The following NAV3 variants were observed in gnomAD, a reference collection of about 807,000 sequenced individuals.
NAV3 encodes the protein pore membrane and/or filament interacting like protein 1.
NAV3 carries 87 observed loss-of-function variants against 244.7 expected under a neutral mutation model. The observed-to-expected ratio is 0.36, with a 90% confidence interval of 0.30 to 0.42. The LOEUF (loss-of-function observed/expected upper bound fraction) is 0.42. NAV3 is among the 20% of genes least tolerant of loss of function. The pLI is 1.00. For synonymous variants in NAV3, 1,126 were observed against 1,042.2 expected, an observed-to-expected ratio of 1.08 and a Z score of -1.55; for missense variants, 2,663 against 2,893.3, an observed-to-expected ratio of 0.92 and a Z score of 1.83.
chr12:78,127,559 C>T (rs987072129), intron 17 of NAV3, among the ~76,000 whole-genome samples: 3 of 152,204 alleles, frequency 2.0e-5, no homozygotes, highest in African/African-American at 7.2e-5. Context: ...ATGCAGAACT[C>T]ACTTCAACAA....
At chr12:78,060,060 A>G (rs1884105749) in intron 12 of NAV3, among the ~76,000 whole-genome samples, 1 of 151,952 alleles carries the variant, frequency 6.6e-6, no homozygotes, top group Admixed American at 6.6e-5. Flanking sequence ...GTTTAAGAAC[A>G]TTGCTTTGGT....
chr12:77,690,298 C>A (rs1874944954), intron 2 of NAV3, among the ~76,000 whole-genome samples: 1 of 151,680 alleles, frequency 6.6e-6, no homozygotes, highest in African/African-American at 2.4e-5. Flanking sequence ...GTCACTTTGA[C>A]AAATGAGAGA....
chr12:77,840,321 A>G (rs1875422650), intron 1 of NAV3, among the ~76,000 whole-genome samples: 1 of 152,178 alleles, frequency 6.6e-6, no homozygotes. Context: ...ACAGAATGGA[A>G]GAAGTATGCT....
intron 2 of NAV3, among the ~76,000 whole-genome samples, chr12:77,790,962 G>A (rs1444235887): frequency 6.6e-6 from 1 of 152,096 alleles, no homozygotes; most frequent in Non-Finnish European, 1.5e-5. Context: ...TGCCCTTTTA[G>A]TGTTTTCCCT....
At chr12:78,095,060 T>C (rs1393675582) in intron 12 of NAV3, among the ~76,000 whole-genome samples, 1 of 112,206 alleles carries the variant, frequency 8.9e-6, no homozygotes, top group African/African-American at 2.8e-5. Context: ...TATATATATA[T>C]ATATACACAC....
chr12:77,594,103 A>G (rs1870054170), intron 2 of NAV3, among the ~76,000 whole-genome samples: 1 of 152,210 alleles, frequency 6.6e-6, no homozygotes, highest in South Asian at 2.1e-4. Flanking sequence ...TCTTGTAACA[A>G]CAACAAAAAA....
rs1333618380 is a variant in NAV3, at chr12:77,940,342, C to G, written c.267C>G (p.His89Gln). The G allele has an allele frequency of 2.5e-6, 4 of 1,613,892 alleles. No homozygotes were observed. The highest frequency in any genetic ancestry group is 3.4e-6 in the Non-Finnish European group (4 of 1,179,812). ...DSKIYTDWAN[H>Q]YLAKSGHKRL... is the part of the protein sequence containing the mutation. ...AGATTTACACTGACTGGGCCAACCA[C>G]TACCTAGCAAAATCAGGCCACAAGC... is the stretch of plus-strand genomic sequence containing the variant. The change falls in exon 2 of 40, where the codon CAC (histidine) becomes CAG (glutamine). Residue 89 changes from histidine to glutamine, a missense_variant. His to Gln is a conservative substitution (Grantham distance 24). Coordinates refer to ENST00000397909, the MANE Select transcript of NAV3 (RefSeq NM_001024383.2).
At chr12:77,583,587 T>C (rs1176937594) in intron 2 of NAV3, among the ~76,000 whole-genome samples, 1 of 152,208 alleles carries the variant, frequency 6.6e-6, no homozygotes, top group Non-Finnish European at 1.5e-5. Context: ...TAAATAAAGA[T>C]GTACCCAGAC....
Position 77,867,177 on chromosome 12 carries a change from G to A in NAV3, c.243+35473G>A, listed in dbSNP as rs374551845. 4.6e-5 allele frequency among the ~76,000 whole-genome samples: 7 copies of A among 152,200 alleles called. No individual in the cohort carries two copies. The South Asian group carries it at 1.5e-3, about 32-fold the overall frequency. On this transcript the variant is annotated intron_variant, in intron 1 of 39. Coordinates refer to ENST00000397909, the MANE Select transcript of NAV3 (RefSeq NM_001024383.2). Reference sequence around the variant, plus strand: ...ACCCGGTGGGAGATAATTGAATCATGGGGGCAGTTTCCACCATAGTGTTCT... The same window carrying A: ...ACCCGGTGGGAGATAATTGAATCATAGGGGCAGTTTCCACCATAGTGTTCT...
intron 2 of NAV3, among the ~76,000 whole-genome samples, chr12:77,665,792 T>A (rs1873687048): frequency 6.6e-6 from 1 of 152,202 alleles, no homozygotes; most frequent in African/African-American, 2.4e-5. Context: ...GTGATCCCTG[T>A]CAGTCTCTCT....
At chr12:77,881,427 T>TAA (rs1882632863) in intron 1 of NAV3, among the ~76,000 whole-genome samples, 1 of 152,038 alleles carries the variant, frequency 6.6e-6, no homozygotes, top group Non-Finnish European at 1.5e-5. Flanking sequence ...TCATAGAAAA[T>TAA]AACAGTCAAC....
At chr12:77,821,426 T>C (rs1520732) in intron 2 of NAV3, among the ~76,000 whole-genome samples, 148,719 of 152,246 alleles carry the variant, frequency 0.98, 72,754 homozygotes, top group East Asian at 1. Context: ...ACCTAATGCA[T>C]CCTTAGAATA....
chr12:78,051,417 A>G (rs1037380197), intron 11 of NAV3, among the ~76,000 whole-genome samples: 7 of 152,186 alleles, frequency 4.6e-5, no homozygotes, highest in African/African-American at 1.4e-4. Context: ...TGATTTTCAC[A>G]TGCTTCTTAA....
intron 8 of NAV3, among the ~76,000 whole-genome samples, chr12:78,011,227 A>G (rs1450318304): frequency 6.6e-6 from 1 of 152,158 alleles, no homozygotes; most frequent in Non-Finnish European, 1.5e-5. Context: ...TGGCAAAGTG[A>G]CCAGTTATTA....
rs201762504 is a variant in NAV3, at chr12:78,006,374, A to G, written c.881-45A>G. 9.1e-5 allele frequency: 141 copies of G among 1,544,636 alleles called. 2 individuals are homozygous for G. In the African/African-American group the frequency reaches 1.7e-3, roughly 19 times the overall value. ...TCTCAATTATGTAATATAAATGATC[A>G]AGATTAATCGCCTTTTCTTTATTTT... is the stretch of plus-strand genomic sequence containing the variant. On this transcript the variant is annotated intron_variant, in intron 7 of 39. Transcript: ENST00000397909.
At chr12:78,132,942 C>T (rs1956225167) in intron 18 of NAV3, among the ~76,000 whole-genome samples, 1 of 152,096 alleles carries the variant, frequency 6.6e-6, no homozygotes, top group Non-Finnish European at 1.5e-5. Context: ...TGAAACTGTG[C>T]TCTTCATATT....
intron 2 of NAV3, among the ~76,000 whole-genome samples, chr12:77,618,182 C>T (rs1228280762): frequency 6.6e-6 from 1 of 152,178 alleles, no homozygotes; most frequent in Non-Finnish European, 1.5e-5. Context: ...GTAACCTCAG[C>T]TGACATCTTA....
At chr12:77,926,616 A>T (rs371889775) in intron 1 of NAV3, among the ~76,000 whole-genome samples, 1 of 152,224 alleles carries the variant, frequency 6.6e-6, no homozygotes, top group African/African-American at 2.4e-5. Flanking sequence ...GTAATTTGTG[A>T]ACAGCATTCC....
intron 12 of NAV3, among the ~76,000 whole-genome samples, chr12:78,111,381 A>G (rs2138406505): frequency 6.6e-6 from 1 of 152,248 alleles, no homozygotes; most frequent in South Asian, 2.1e-4. Flanking sequence ...AAAATTCACT[A>G]AAATCCAAAA....
Sources: allele counts gnomAD v4.1 joint callset (sites outside exome capture counted in the v4.1 genomes callset), GRCh38; gene constraint gnomAD v4.1.1; transcripts MANE v1.5; gene names NCBI Gene and HGNC (gene_info 2026-07-23, HGNC 2026-07-21).